Variants in COBLL1 observed in about 807,000 individuals in gnomAD.
COBLL1 encodes the protein cordon-bleu WH2 repeat protein like 1, also known as cordon-bleu protein-like 1.
COBLL1 carries 50 observed loss-of-function variants against 94.8 expected under a neutral mutation model. That is an observed-to-expected ratio of 0.53 (90% CI 0.42 to 0.67). The LOEUF (loss-of-function observed/expected upper bound fraction) is 0.67, where lower values mean the gene tolerates loss of function less well. COBLL1 is among the 30% of genes least tolerant of loss of function. The pLI is 0.00. For synonymous variants in COBLL1, 448 were observed against 473.8 expected (o/e 0.95, Z 0.71); for missense variants, 1,362 against 1,348.7 (o/e 1.01, Z -0.15).
chr2:164,686,437 T>C (rs1683291502), intron 13 of COBLL1, among the ~76,000 whole-genome samples: 1 of 152,172 alleles, frequency 6.6e-6, no homozygotes, highest in Non-Finnish European at 1.5e-5. Context: ...TTACAAGTTT[T>C]GTACTGATGG....
At chr2:164,704,616 C>T (rs1367365466) in intron 8 of COBLL1, 98 bp from the exon 9 acceptor site, 2 of 1,035,148 alleles carry the variant, frequency 1.9e-6, no homozygotes, top group Admixed American at 2.0e-5. Context: ...AAGCAGTAAG[C>T]CTTGCTAGAA....
At chr2:164,775,153 C>T (rs1688402653) in intron 2 of COBLL1, among the ~76,000 whole-genome samples, 1 of 99,694 alleles carries the variant, frequency 1.0e-5, no homozygotes, top group Admixed American at 8.7e-5. Context: ...GAGACCCTGC[C>T]TCTTAAAAAA....
chr2:164,785,795 A>G (rs1688927465), intron 2 of COBLL1, among the ~76,000 whole-genome samples: 1 of 152,116 alleles, frequency 6.6e-6, no homozygotes, highest in South Asian at 2.1e-4. Flanking sequence ...AGAAAAAAAA[A>G]AGACATCAGA....
chr2:164,664,757 G>C (rs915377724), intron 2 of COBLL1, among the ~76,000 whole-genome samples: 2 of 152,142 alleles, frequency 1.3e-5, no homozygotes, highest in African/African-American at 2.4e-5. Context: ...ATTTACAACA[G>C]AGCATTTGAA....
chr2:164,794,713 A>AT (rs1171512331), intron 2 of COBLL1, among the ~76,000 whole-genome samples: 18 of 151,204 alleles, frequency 1.2e-4, no homozygotes, highest in Non-Finnish European at 2.1e-4. Flanking sequence ...CATACGCAGC[A>AT]TAAGTACTTG....
rs1437738104 is a variant in COBLL1, at chr2:164,680,802, C to T, written c.*5144G>A. The T allele has an allele frequency of 1.3e-5, 2 of 152,052 alleles. No homozygotes were observed. The highest frequency in any genetic ancestry group is 2.9e-5 in the Non-Finnish European group (2 of 68,004). 9.4% of individuals were successfully genotyped at this position (152,052 alleles called of 1,614,324 possible). ...CGAAGTTCAAATTTAACTGGGCATT[C>T]TGTATTTTATCTTGCAATCCTGTGA... On this transcript the variant is annotated 3_prime_UTR_variant, in exon 14 of 14. Transcript: ENST00000652658.
intron 2 of COBLL1, among the ~76,000 whole-genome samples, chr2:164,746,391 A>C (rs993334427): frequency 4.6e-5 from 7 of 152,128 alleles, no homozygotes; most frequent in African/African-American, 1.7e-4. Context: ...TAAGTCAATA[A>C]AATAATAAAA....
chr2:164,841,249 GGGGTGGGAGA>G lies in COBLL1; in HGVS notation c.-50-13_-50-4del. On this transcript the variant is annotated splice_polypyrimidine_tract_variant and splice_region_variant and intron_variant, in intron 1 of 13. Transcript: ENST00000652658. This position sits in a 1 kb window ranked among gnomAD's most constrained non-coding sequence, Gnocchi z 5.5. ...AGCTCCCAGGCGGCGCGTCACTGCT[GGGGTGGGAGA>G]GGCCGGCGGGTCAGGGCGGGACGCG... The G allele has an allele frequency of 8.2e-7, 1 of 1,225,884 alleles. No homozygotes were observed. The highest frequency in any genetic ancestry group is 1.0e-6 in the Non-Finnish European group (1 of 984,408). 75.9% of individuals were successfully genotyped at this position (1,225,884 alleles called of 1,614,324 possible). A position where few individuals can be genotyped will look rare whatever the true frequency, so the allele number is the denominator to read the frequency against.
chr2:164,815,975 C>T (rs1471483355), intron 2 of COBLL1, among the ~76,000 whole-genome samples: 2 of 151,998 alleles, frequency 1.3e-5, no homozygotes, highest in African/African-American at 2.4e-5. Flanking sequence ...AGGGACAAAA[C>T]AATGTGAGCA....
chr2:164,721,463 G>A (rs923630005), intron 7 of COBLL1, among the ~76,000 whole-genome samples: 2 of 152,162 alleles, frequency 1.3e-5, no homozygotes, highest in African/African-American at 4.8e-5. Flanking sequence ...TGAGATTAAA[G>A]GTGTGTAATA....
At chr2:164,717,830 G>T (rs562587675) in intron 7 of COBLL1, among the ~76,000 whole-genome samples, 1 of 152,278 alleles carries the variant, frequency 6.6e-6, no homozygotes, top group South Asian at 2.1e-4. Context: ...CTCCCAAAGT[G>T]CTGGGATTAT....
chr2:164,830,823 A>C (rs1229016069), intron 2 of COBLL1, among the ~76,000 whole-genome samples: 2 of 152,240 alleles, frequency 1.3e-5, no homozygotes, highest in Non-Finnish European at 2.9e-5. Context: ...AATTCATCCC[A>C]ATTCAAATGT....
intron 2 of COBLL1, among the ~76,000 whole-genome samples, chr2:164,838,998 C>A (rs1271979361): frequency 6.6e-6 from 1 of 152,086 alleles, no homozygotes; most frequent in Non-Finnish European, 1.5e-5. Flanking sequence ...TTCAACAAAT[C>A]TTATATGACA....
intron 2 of COBLL1, among the ~76,000 whole-genome samples, chr2:164,814,340 C>CA (rs1395476904): frequency 6.6e-6 from 1 of 152,122 alleles, no homozygotes; most frequent in East Asian, 1.9e-4. Flanking sequence ...TCTTAATAAA[C>CA]AATTGATTTT....
intron 2 of COBLL1, among the ~76,000 whole-genome samples, chr2:164,757,436 C>T (rs1687468309): frequency 6.6e-6 from 1 of 151,958 alleles, no homozygotes; most frequent in African/African-American, 2.4e-5. Flanking sequence ...TTTTTGTTTC[C>T]TTTTATCAAA....
At chr2:164,784,772 A>G (rs1688872011) in intron 2 of COBLL1, among the ~76,000 whole-genome samples, 1 of 152,100 alleles carries the variant, frequency 6.6e-6, no homozygotes, top group African/African-American at 2.4e-5. Flanking sequence ...TTAGAGAAGG[A>G]AATTTGCTAT....
chr2:164,814,050 T>A (rs1033874471), intron 2 of COBLL1, among the ~76,000 whole-genome samples: 8 of 152,188 alleles, frequency 5.3e-5, no homozygotes, highest in South Asian at 2.1e-4. Context: ...ATGCTACTTT[T>A]ATAAAGTTTT....
Position 164,833,750 on chromosome 2 carries a change from G to A in COBLL1, c.41+7406C>T, listed in dbSNP as rs571030614. On this transcript the variant is annotated intron_variant, in intron 2 of 13. Coordinates refer to ENST00000652658, the MANE Select transcript of COBLL1 (RefSeq NM_001365672.2). Reference sequence around the variant, plus strand: ...CAGGCGTAAGCCACCGCGCCAGGCCGACAATTCCAATTAAAGCACTTCGCC... The same window carrying A: ...CAGGCGTAAGCCACCGCGCCAGGCCAACAATTCCAATTAAAGCACTTCGCC... Among the ~76,000 whole-genome samples, 222 of 152,200 alleles carry A rather than the reference G, an allele frequency of 1.5e-3. 4 individuals carry two copies. The highest frequency in any genetic ancestry group is 1.2e-4 in the African/African-American group (5 of 41,552).
At chr2:164,694,134 C>T in intron 12 of COBLL1, 135 bp downstream of exon 12, 1 of 858,368 alleles carries the variant, frequency 1.2e-6, no homozygotes, top group Non-Finnish European at 1.8e-6. Context: ...TCACCACTCT[C>T]TTCACTACAA....
Sources: gnomAD v4.1 joint callset for allele counts (sites outside exome capture counted in the v4.1 genomes callset) on GRCh38, gnomAD v4.1.1 for gene constraint, Gnocchi (gnomAD v3.1) non-coding constraint, MANE v1.5 for transcripts, NCBI Gene and HGNC (gene_info 2026-07-23, HGNC 2026-07-21) for gene names.